GALNT7: variants seen among roughly 807,000 people sequenced by gnomAD.
GALNT7 encodes the protein N-acetylgalactosaminyltransferase 7.
A neutral mutation model predicts 82.1 loss-of-function variants in GALNT7; 60 were observed. The ratio of observed to expected loss-of-function variants is 0.73; its 90% confidence interval spans 0.59 to 0.91. The LOEUF (loss-of-function observed/expected upper bound fraction) is 0.91, where lower values mean the gene tolerates loss of function less well. Ranked by LOEUF, GALNT7 falls within the 40% of genes least tolerant of loss-of-function variation. The pLI is 0.00. For synonymous variants in GALNT7, 243 were observed against 275.1 expected, an observed-to-expected ratio of 0.88 and a Z score of 1.15; for missense variants, 660 against 804.2, an observed-to-expected ratio of 0.82 and a Z score of 2.17.
chr4:173,298,025 C>CTTTTTTT, intron 5 of GALNT7, 90 bp from the exon 6 acceptor site: 1 of 1,416,498 alleles, frequency 7.1e-7, no homozygotes. Flanking sequence ...TATCTAAGTT[C>CTTTTTTT]TTTTTTTTTT....
At chr4:173,231,902 A>AGCTTT (rs1734041840) in intron 1 of GALNT7, among the ~76,000 whole-genome samples, 2 of 152,238 alleles carry the variant, frequency 1.3e-5, no homozygotes, top group African/African-American at 4.8e-5. Context: ...CCTCAATTAG[A>AGCTTT]GCTTTTTAGT....
intron 2 of GALNT7, among the ~76,000 whole-genome samples, chr4:173,259,786 C>T (rs935551316): frequency 6.6e-5 from 10 of 152,158 alleles, no homozygotes; most frequent in South Asian, 2.1e-4. Context: ...CCCAGGTGCC[C>T]GCCACCACGC....
intron 1 of GALNT7, among the ~76,000 whole-genome samples, chr4:173,193,526 G>A (rs1490170503): frequency 6.6e-6 from 1 of 151,974 alleles, no homozygotes; most frequent in Non-Finnish European, 1.5e-5. Context: ...AGAAGACAAA[G>A]CATGTTTTTG....
chr4:173,260,635 C>A (rs539825221), intron 2 of GALNT7, among the ~76,000 whole-genome samples: 4 of 152,206 alleles, frequency 2.6e-5, no homozygotes, highest in African/African-American at 9.6e-5. Context: ...TATGTCATCA[C>A]TGAATCAAGA....
chr4:173,170,256 C>G (rs899721661), intron 1 of GALNT7, among the ~76,000 whole-genome samples: 32 of 152,228 alleles, frequency 2.1e-4, no homozygotes, highest in Admixed American at 7.8e-4. Context: ...GGCGGGGCTG[C>G]AGGAGGAGTC....
intron 2 of GALNT7, among the ~76,000 whole-genome samples, chr4:173,264,913 G>A (rs188733374): frequency 4.3e-4 from 66 of 152,340 alleles, no homozygotes; most frequent in East Asian, 3.5e-3. Context: ...GCCACTGCCA[G>A]GTGCGACAGC....
At chr4:173,214,677 C>G (rs962824391) in intron 1 of GALNT7, among the ~76,000 whole-genome samples, 3 of 152,214 alleles carry the variant, frequency 2.0e-5, no homozygotes, top group Non-Finnish European at 2.9e-5. Context: ...CCAAATTCAA[C>G]TTCTCAAGCC....
intron 2 of GALNT7, among the ~76,000 whole-genome samples, chr4:173,267,849 A>G (rs1256061210): frequency 2.0e-5 from 3 of 152,150 alleles, no homozygotes; most frequent in Non-Finnish European, 4.4e-5. Context: ...CATGAGCTCC[A>G]CCGGTTGGAG....
intron 9 of GALNT7, 149 bp from the exon 10 acceptor site, chr4:173,317,485 A>T: frequency 1.7e-6 from 1 of 594,322 alleles, no homozygotes; most frequent in Non-Finnish European, 3.0e-6. Flanking sequence ...CTATGTAAAG[A>T]TTGACAATCC....
At chr4:173,222,956 A>G (rs1733690554) in intron 1 of GALNT7, among the ~76,000 whole-genome samples, 1 of 152,256 alleles carries the variant, frequency 6.6e-6, no homozygotes, top group Admixed American at 6.5e-5. Flanking sequence ...TTAGACTGCT[A>G]GTTTCTGCCA....
At chr4:173,224,451 A>T (rs1200774534) in intron 1 of GALNT7, among the ~76,000 whole-genome samples, 2 of 152,232 alleles carry the variant, frequency 1.3e-5, no homozygotes, top group African/African-American at 2.4e-5. Context: ...AGTGTTAGGC[A>T]TACCTATTGT....
At position 173,302,488 on chromosome 4, in the gene GALNT7, G is replaced by A. The variant is rs569593864; in HGVS notation, c.1266+324G>A. Among the ~76,000 whole-genome samples, 99 of 152,232 alleles carry A rather than the reference G, an allele frequency of 6.5e-4. No homozygotes were observed. Among genetic ancestry groups the A allele is most frequent in the Admixed American group, 1.3e-3 (20 of 15,288 alleles). On this transcript the variant is annotated intron_variant, in intron 7 of 11. Transcript: ENST00000265000. This position sits in a 1 kb window ranked among gnomAD's most constrained non-coding sequence, Gnocchi z 4.2. The stretch of plus-strand genomic sequence containing the variant: ...GAAGCCCTTGGAAGAATCTGCATGC[G>A]TTAGGGCCACAATTGACCACCCACT...
intron 2 of GALNT7, among the ~76,000 whole-genome samples, chr4:173,282,674 G>A (rs1157419691): frequency 1.3e-5 from 2 of 152,154 alleles, no homozygotes; most frequent in African/African-American, 4.8e-5. Flanking sequence ...CGTTTAATGT[G>A]TGGTTCCATT....
chr4:173,221,287 G>A (rs999815390), intron 1 of GALNT7, among the ~76,000 whole-genome samples: 1 of 152,154 alleles, frequency 6.6e-6, no homozygotes, highest in African/African-American at 2.4e-5. Flanking sequence ...TTTCTTGGCT[G>A]CATAAATGTC....
chr4:173,288,348 A>C (rs1324156453), intron 2 of GALNT7, among the ~76,000 whole-genome samples: 3 of 151,666 alleles, frequency 2.0e-5, no homozygotes, highest in Non-Finnish European at 4.4e-5. Flanking sequence ...TTGACTGTTA[A>C]AGATGGAGCT....
At chr4:173,213,732 G>C (rs1462833924) in intron 1 of GALNT7, among the ~76,000 whole-genome samples, 4 of 152,048 alleles carry the variant, frequency 2.6e-5, no homozygotes, top group Non-Finnish European at 4.4e-5. Context: ...TGAAATTAAA[G>C]ATTAAGTCAC....
At chr4:173,181,025 A>G (rs1034606135) in intron 1 of GALNT7, among the ~76,000 whole-genome samples, 10 of 152,240 alleles carry the variant, frequency 6.6e-5, no homozygotes, top group African/African-American at 2.4e-4. Flanking sequence ...AATGAATTTT[A>G]AAAATCCATT....
chr4:173,289,372 T>C (rs976741425), intron 2 of GALNT7, among the ~76,000 whole-genome samples: 11 of 152,104 alleles, frequency 7.2e-5, no homozygotes, highest in African/African-American at 2.2e-4. Context: ...TCCAAGAAAA[T>C]TGAGCATGGA....
intron 8 of GALNT7, among the ~76,000 whole-genome samples, chr4:173,312,452 T>C (rs748298987): frequency 6.6e-5 from 10 of 152,176 alleles, no homozygotes; most frequent in African/African-American, 2.4e-4. Context: ...CAAACTACTC[T>C]TGTGGGAACG....
Sources: allele counts gnomAD v4.1 joint callset (sites outside exome capture counted in the v4.1 genomes callset), GRCh38; gene constraint gnomAD v4.1.1; non-coding constraint Gnocchi (gnomAD v3.1); transcripts MANE v1.5; gene names NCBI Gene and HGNC (gene_info 2026-07-23, HGNC 2026-07-21).